Variants in MYCBP2 observed in about 807,000 individuals in gnomAD.
The protein encoded by MYCBP2 is E3 ubiquitin-protein ligase MYCBP2.
A neutral mutation model predicts 525.3 loss-of-function variants in MYCBP2; 120 were observed. The observed-to-expected ratio is 0.23, with a 90% CI of 0.20 to 0.27. The LOEUF (loss-of-function observed/expected upper bound fraction) is 0.27. MYCBP2 is among the 10% of genes least tolerant of loss of function. The pLI, the probability that MYCBP2 is intolerant of heterozygous loss-of-function variation, is 1.00. For synonymous variants in MYCBP2, 1,894 were observed against 1,955.8 expected (o/e 0.97, Z 0.83); for missense variants, 4,149 against 5,657.1 (o/e 0.73, Z 8.55).
At chr13:77,064,265 G>A (rs967486069) in intron 73 of MYCBP2, among the ~76,000 whole-genome samples, 2 of 152,184 alleles carry the variant, frequency 1.3e-5, no homozygotes, top group African/African-American at 4.8e-5. Context: ...AGGACCTTCG[G>A]TCTATCACAG....
chr13:77,191,527 C>T, intron 28 of MYCBP2, 152 bp downstream of exon 28: 2 of 842,428 alleles, frequency 2.4e-6, no homozygotes, highest in East Asian at 2.7e-5. Flanking sequence ...CTCAATTTGG[C>T]ATGAGGTTAC....
intron 9 of MYCBP2, 38 bp downstream of exon 9, chr13:77,263,891 T>A (rs769731119): frequency 6.2e-7 from 1 of 1,606,396 alleles, no homozygotes. Context: ...GAAAAGGAAT[T>A]CCATTTACAC....
In MYCBP2 at chr13:77,139,176, T is replaced by TA; in HGVS notation, c.7659+19dup. 6.2e-7 allele frequency: 1 copy of TA among 1,609,002 alleles called. No homozygotes were observed. On this transcript the variant is annotated intron_variant, in intron 52 of 82. Coordinates refer to ENST00000544440, the MANE Select transcript of MYCBP2 (RefSeq NM_015057.5). ...AACAGCGTGTATCTATAATGCTTTT[T>TA]AAAACCACCTTTTACTTACGTCAAC... is the stretch of plus-strand genomic sequence containing the variant.
chr13:77,169,681 C>G lies in MYCBP2; in HGVS notation c.5828G>C (p.Ser1943Thr), dbSNP rs781175678. 3 of 1,613,940 alleles carry G rather than the reference C, an allele frequency of 1.9e-6. No homozygotes were observed. In the South Asian group the frequency reaches 3.3e-5, roughly 18 times the overall value. Residue 1943 changes from serine (S) to threonine (T), a missense_variant, in exon 39 of 83, where the codon AGT becomes ACT. Physicochemically the swap from Ser to Thr is moderately conservative, Grantham distance 58 (BLOSUM62 1). Around this residue, in one of 21 missense-constraint regions of MYCBP2, gnomAD observed 692 missense variants for 852.7 expected, o/e 0.81. Coordinates refer to ENST00000544440, the MANE Select transcript of MYCBP2 (RefSeq NM_015057.5). The part of the protein sequence containing the change: ...DDIPELLSSS[S>T]LFSMLLPLII... ...AAGGGGGAGCAGCATGGAAAACAGA[C>G]TGGAAGAACTCAGCAGTTCTGGAAT...
At chr13:77,287,242 A>G (rs2076964497) in intron 3 of MYCBP2, among the ~76,000 whole-genome samples, 1 of 140,960 alleles carries the variant, frequency 7.1e-6, no homozygotes, top group Non-Finnish European at 1.5e-5. Flanking sequence ...CCGGAGTGCA[A>G]TGGCATGATC....
chr13:77,170,340 T>G (rs759541913), intron 38 of MYCBP2, among the ~76,000 whole-genome samples: 1 of 152,242 alleles, frequency 6.6e-6, no homozygotes, highest in Non-Finnish European at 1.5e-5. Context: ...AAAGATAAGC[T>G]GAGCCTATAC....
At chr13:77,179,150 T>C (rs2059982029) in intron 34 of MYCBP2, among the ~76,000 whole-genome samples, 2 of 152,304 alleles carry the variant, frequency 1.3e-5, no homozygotes, top group South Asian at 4.1e-4. Flanking sequence ...TAATCAATAA[T>C]GTGTATATAT....
At chr13:77,230,714 G>A (rs921804889) in intron 18 of MYCBP2, among the ~76,000 whole-genome samples, 1 of 152,186 alleles carries the variant, frequency 6.6e-6, no homozygotes, top group Non-Finnish European at 1.5e-5. Context: ...AGCCACCCAC[G>A]TAGACAAACT....
intron 13 of MYCBP2, among the ~76,000 whole-genome samples, chr13:77,259,878 A>G (rs1317481237): frequency 6.6e-6 from 1 of 152,232 alleles, no homozygotes; most frequent in Admixed American, 6.5e-5. Context: ...ATTAGCATTT[A>G]TAAATATAAA....
chr13:77,286,192 G>T (rs991734075), intron 3 of MYCBP2, among the ~76,000 whole-genome samples: 1 of 152,228 alleles, frequency 6.6e-6, no homozygotes, highest in South Asian at 2.1e-4. Context: ...CTCAGACCAG[G>T]TTCCATTTAT....
intron 1 of MYCBP2, among the ~76,000 whole-genome samples, chr13:77,298,541 G>A (rs952770980): frequency 7.9e-5 from 12 of 152,202 alleles, no homozygotes; most frequent in Non-Finnish European, 1.8e-4. Context: ...AAGAGAAAGA[G>A]AAAGTATAAG....
chr13:77,189,764 T>C (rs1012010468), intron 29 of MYCBP2, among the ~76,000 whole-genome samples: 1 of 152,144 alleles, frequency 6.6e-6, no homozygotes, highest in East Asian at 1.9e-4. Context: ...ATAGTAAATA[T>C]TATATGAGCA....
In MYCBP2 at chr13:77,270,554, G is replaced by T; in HGVS notation, c.946-16C>A. On this transcript the variant is annotated splice_polypyrimidine_tract_variant and intron_variant, in intron 5 of 82. Coordinates refer to ENST00000544440, the MANE Select transcript of MYCBP2 (RefSeq NM_015057.5). ...TTGTTGGCACCTAATCAAAAGAGAA[G>T]AAAAATAATGAAAAAACATTTTTAA... 6.4e-7 allele frequency: 1 copy of T among 1,565,606 alleles called. No homozygotes were observed. The highest frequency in any genetic ancestry group is 8.6e-7 in the Non-Finnish European group (1 of 1,156,080).
intron 15 of MYCBP2, among the ~76,000 whole-genome samples, chr13:77,246,647 G>A (rs1161015709): frequency 6.7e-6 from 1 of 148,928 alleles, no homozygotes; most frequent in African/African-American, 2.5e-5. Flanking sequence ...AGAAGAAAGG[G>A]AGGAGGGAGA....
At chr13:77,280,182 A>G (rs2076045958) in intron 3 of MYCBP2, among the ~76,000 whole-genome samples, 2 of 152,216 alleles carry the variant, frequency 1.3e-5, no homozygotes, top group African/African-American at 4.8e-5. Flanking sequence ...AGTTTTCTGG[A>G]AACAACAGAT....
chr13:77,279,143 G>A (rs2075930654), intron 3 of MYCBP2, among the ~76,000 whole-genome samples: 1 of 152,136 alleles, frequency 6.6e-6, no homozygotes, highest in Non-Finnish European at 1.5e-5. Flanking sequence ...TGTACTCAAG[G>A]AAAATTCAGT....
chr13:77,252,391 T>G (rs1395779626), intron 14 of MYCBP2, among the ~76,000 whole-genome samples: 3 of 152,330 alleles, frequency 2.0e-5, no homozygotes, highest in Middle Eastern at 3.4e-3. Context: ...ACTGAGCTGT[T>G]ATGAAGCTTA....
At chr13:77,281,360 A>AT (rs1170103791) in intron 3 of MYCBP2, among the ~76,000 whole-genome samples, 1 of 152,048 alleles carries the variant, frequency 6.6e-6, no homozygotes, top group East Asian at 1.9e-4. Context: ...AAATGTTCTG[A>AT]TTTTTCAAAT....
At chr13:77,245,998 T>C (rs2069862675) in intron 15 of MYCBP2, among the ~76,000 whole-genome samples, 1 of 152,084 alleles carries the variant, frequency 6.6e-6, no homozygotes, top group Non-Finnish European at 1.5e-5. Flanking sequence ...TTCATATCGA[T>C]TGTGAACCAT....
Sources: gnomAD v4.1 joint callset for allele counts (sites outside exome capture counted in the v4.1 genomes callset) on GRCh38, gnomAD v4.1.1 for gene constraint, gnomAD v4.1.1 regional missense constraint, MANE v1.5 for transcripts, NCBI Gene and HGNC (gene_info 2026-07-23, HGNC 2026-07-21) for gene names.